CHGB: variants seen among roughly 807,000 people sequenced by gnomAD.
CHGB encodes secretogranin-1.
A neutral mutation model predicts 69.9 loss-of-function variants in CHGB; 46 were observed. That is an observed-to-expected ratio of 0.66 (90% CI 0.52 to 0.84). The LOEUF (loss-of-function observed/expected upper bound fraction) is 0.84, where lower values mean the gene tolerates loss of function less well. Among genes scored for constraint, CHGB ranks in the 40% least tolerant of loss-of-function variants. CHGB has a pLI of 0.00. For missense variants in CHGB, 796 were observed against 822.2 expected, an observed-to-expected ratio of 0.97 and a Z score of 0.39; for synonymous variants, 312 against 298.2, an observed-to-expected ratio of 1.05 and a Z score of -0.48.
In CHGB at chr20:5,924,837, T is replaced by G. The variant is rs1170844536; in HGVS notation, c.1957-135T>G. Reference sequence around the variant, plus strand: ...TGCCACTGGTCAGGGGACCACACTTTGAGAGTTACTGAGGTAGGTTGACTA... The same window carrying G: ...TGCCACTGGTCAGGGGACCACACTTGGAGAGTTACTGAGGTAGGTTGACTA... On this transcript the variant is annotated intron_variant, in intron 4 of 4. Coordinates refer to ENST00000378961, the MANE Select transcript of CHGB (RefSeq NM_001819.3). 5.3e-6 allele frequency: 3 copies of G among 561,652 alleles called. No individual in the cohort carries two copies. In the African/African-American group the frequency reaches 5.7e-5, roughly 11 times the overall value. 34.8% of individuals were successfully genotyped at this position (561,652 alleles called of 1,614,324 possible).
rs776244015 is a variant in CHGB, at chr20:5,922,841, G to A, written c.697G>A (p.Glu233Lys). The change falls in exon 4 of 5, where the codon GAG becomes AAG. Residue 233 changes from glutamate (E) to lysine (K), a missense_variant. Physicochemically the swap from Glu to Lys is moderately conservative, Grantham distance 56. Transcript: ENST00000378961. ...GHSQEKTHSR[E>K]KSSQESGEET... is the part of the protein sequence containing the mutation. ...TTCTCAGGAGAAGACACATAGCCGA[G>A]AGAAGAGTAGCCAGGAGAGTGGAGA... 3 of 1,614,104 alleles carry A rather than the reference G, an allele frequency of 1.9e-6. No homozygotes were observed. The highest frequency in any genetic ancestry group is 3.3e-5 in the Admixed American group (2 of 60,022).
rs918275521 is a variant in CHGB, at chr20:5,913,628, CTTTTTTT to C, written c.49+1959_49+1965del. Among the ~76,000 whole-genome samples, 15 of 90,452 alleles carry C rather than the reference CTTTTTTT, an allele frequency of 1.7e-4. No individual in the cohort carries two copies. The East Asian group carries it at 4.3e-3, about 26-fold the overall frequency. The allele number at this position is 90,452 out of a possible 152,430, so 59.3% of individuals were successfully genotyped here. A position where few individuals can be genotyped will look rare whatever the true frequency, so the allele number is the denominator to read the frequency against. The stretch of plus-strand genomic sequence containing the variant: ...CTTTCTTTTTCTTTTCTTTTCTTTT[CTTTTTTT>C]TTTTTTTTTTTTGAGACAGAGTCTT... On this transcript the variant is annotated intron_variant, in intron 1 of 4. Coordinates refer to ENST00000378961, the MANE Select transcript of CHGB (RefSeq NM_001819.3).
In CHGB at chr20:5,911,696, G is replaced by A; in HGVS notation, c.49+14G>A. 1 of 1,451,738 alleles carries A rather than the reference G, an allele frequency of 6.9e-7. No individual in the cohort carries two copies. The highest frequency in any genetic ancestry group is 3.0e-5 in the East Asian group (1 of 33,608). The allele number at this position is 1,451,738 out of a possible 1,614,324, so 89.9% of individuals were successfully genotyped here. A position where few individuals can be genotyped will look rare whatever the true frequency, so the allele number is the denominator to read the frequency against. The stretch of plus-strand genomic sequence containing the variant: ...TGGGGCTGGCGGGTGAGTGGGCGCG[G>A]CGGGCCGGTCAGCACCGCGGACAGC... On this transcript the variant is annotated intron_variant, in intron 1 of 4. Coordinates refer to ENST00000378961, the MANE Select transcript of CHGB (RefSeq NM_001819.3).
Position 5,922,384 on chromosome 20 carries a change from G to T in CHGB, c.240G>T (p.Lys80Asn). 6.3e-7 allele frequency: 1 copy of T among 1,577,558 alleles called. No homozygotes were observed. Among genetic ancestry groups the T allele is most frequent in the Non-Finnish European group, 8.6e-7 (1 of 1,157,666 alleles). The change falls in exon 4 of 5, where the codon AAG becomes AAT. Residue 80 changes from lysine (K) to asparagine (N), a missense_variant. This residue lies in a region of CHGB where 518 missense variants were observed against 506.3 expected (regional missense o/e 1.02). Transcript: ENST00000378961. ...AGACAACTGAAAATGAAAACACAAA[G>T]TTTGAAGTAAGATTGTTAAGAGACC... ...DKETTENENT[K>N]FEVRLLRDPA...
Position 5,922,978 on chromosome 20 carries a change from C to T in CHGB, c.834C>T (p.Arg278=). Residue 278 remains arginine (R), a synonymous_variant, in exon 4 of 5, where the codon CGC becomes CGT. Coordinates refer to ENST00000378961, the MANE Select transcript of CHGB (RefSeq NM_001819.3). The part of the protein sequence containing the change: ...EDATSEVDKR[R]TRPRHHHGRS... ...CCACCTCTGAGGTGGACAAACGACG[C>T]ACGAGGCCCAGACACCACCACGGGA... is the stretch of plus-strand genomic sequence containing the variant. 6.2e-7 allele frequency: 1 copy of T among 1,609,928 alleles called. No homozygotes were observed. Among genetic ancestry groups the T allele is most frequent in the Middle Eastern group, 1.7e-4 (1 of 6,058 alleles).
rs774165233 is a variant in CHGB, at chr20:5,923,121, A to C, written c.977A>C (p.Asp326Ala). The C allele has an allele frequency of 1.5e-5, 24 of 1,614,024 alleles. No individual in the cohort carries two copies. Among genetic ancestry groups the C allele is most frequent in the Non-Finnish European group, 1.9e-5 (22 of 1,180,034 alleles). Residue 326 changes from aspartate to alanine, a missense_variant, in exon 4 of 5, where the codon GAC (aspartate) becomes GCC (alanine). Asp to Ala is a moderately radical substitution (Grantham distance 126). Transcript: ENST00000378961. ...VSMASLGEKR[D>A]HHSTHYRASE... Reference sequence around the variant, plus strand: ...ATGGCCAGTTTAGGGGAAAAGAGGGACCACCATTCAACCCACTACAGGGCT... The same window carrying C: ...ATGGCCAGTTTAGGGGAAAAGAGGGCCCACCATTCAACCCACTACAGGGCT...
At chr20:5,915,907 G>A (rs1316547446) in intron 1 of CHGB, 1 of 154,242 alleles carries the variant, frequency 6.5e-6, no homozygotes, top group Non-Finnish European at 1.4e-5. Context: ...TAGAGACAGG[G>A]TTTTGTCATG....
intron 2 of CHGB, among the ~76,000 whole-genome samples, 194 bp downstream of exon 2, chr20:5,916,566 TG>T (rs1192073209): frequency 6.6e-6 from 1 of 152,232 alleles, no homozygotes; most frequent in African/African-American, 2.4e-5. Flanking sequence ...TTAGCACCCC[TG>T]AGGATAGCTG....
chr20:5,923,609 C>G lies in CHGB; in HGVS notation c.1465C>G (p.Leu489Val). Residue 489 changes from leucine to valine, a missense_variant, in exon 4 of 5, where the codon CTG becomes GTG. Coordinates refer to ENST00000378961, the MANE Select transcript of CHGB (RefSeq NM_001819.3). Reference protein sequence around the residue: ...APGKWQQQGDLQDTKENREEA... With the variant: ...APGKWQQQGDVQDTKENREEA... ...AGGGAAGTGGCAGCAGCAGGGAGAC[C>G]TGCAGGACACTAAAGAAAACAGGGA... 6.2e-7 allele frequency: 1 copy of G among 1,614,108 alleles called. No homozygotes were observed. The highest frequency in any genetic ancestry group is 8.5e-7 in the Non-Finnish European group (1 of 1,180,026).
chr20:5,912,232 G>T (rs2122564680), intron 1 of CHGB, among the ~76,000 whole-genome samples: 1 of 152,282 alleles, frequency 6.6e-6, no homozygotes, highest in Non-Finnish European at 1.5e-5. Context: ...TATAATGTGT[G>T]TGTATGTGTG....
At chr20:5,922,296 C>A in intron 3 of CHGB, 39 bp from the exon 4 acceptor site, 1 of 1,499,086 alleles carries the variant, frequency 6.7e-7, no homozygotes, top group Non-Finnish European at 8.9e-7. Flanking sequence ...GAACCACAAG[C>A]AATTCTGAAA....
intron 1 of CHGB, among the ~76,000 whole-genome samples, chr20:5,914,982 G>A (rs1020123030): frequency 1.3e-5 from 2 of 152,230 alleles, no homozygotes; most frequent in Non-Finnish European, 2.9e-5. Flanking sequence ...GCAAGGAAAG[G>A]TCAGGTTGCT....
At chr20:5,924,452 GC>G (rs1037677364) in intron 4 of CHGB, among the ~76,000 whole-genome samples, 20 of 152,200 alleles carry the variant, frequency 1.3e-4, no homozygotes, top group African/African-American at 4.8e-4. Flanking sequence ...GCAGCGTTCA[GC>G]CAACGTTAAC....
At chr20:5,911,737 C>T (rs1265464940) in intron 1 of CHGB, 55 bp downstream of exon 1, 3 of 1,345,136 alleles carry the variant, frequency 2.2e-6, no homozygotes, top group Non-Finnish European at 2.9e-6. Flanking sequence ...CCTCGCTCTT[C>T]CCCGCCGCTC....
In CHGB at chr20:5,923,194, C is replaced by T. The variant is rs755828534; in HGVS notation, c.1050C>T (p.Gly350=). 7.9e-5 allele frequency: 128 copies of T among 1,613,668 alleles called. No homozygotes were observed. The highest frequency in any genetic ancestry group is 2.8e-4 in the African/African-American group (21 of 74,842). The change falls in exon 4 of 5, where the codon GGC becomes GGT. Residue 350 remains glycine (G), a synonymous_variant. Coordinates refer to ENST00000378961, the MANE Select transcript of CHGB (RefSeq NM_001819.3). The stretch of plus-strand genomic sequence containing the variant: ...GAGAAGAAATAAAGGGTTATCCAGG[C>T]GTCCAGGCCCCTGAGGACCTGGAGT... ...EYGEEIKGYP[G]VQAPEDLEWE...
At chr20:5,913,954 G>A (rs1043193731) in intron 1 of CHGB, among the ~76,000 whole-genome samples, 2 of 152,058 alleles carry the variant, frequency 1.3e-5, no homozygotes, top group Non-Finnish European at 2.9e-5. Flanking sequence ...TCTAAATTCA[G>A]AAGAGCTTAT....
At chr20:5,915,530 G>T (rs1434561154) in intron 1 of CHGB, 2 of 152,174 alleles carry the variant, frequency 1.3e-5, no homozygotes, top group Non-Finnish European at 2.9e-5. Flanking sequence ...TCAGGCAAAG[G>T]CCTTGCGGGT....
At chr20:5,912,762 T>C (rs557540150) in intron 1 of CHGB, among the ~76,000 whole-genome samples, 5 of 152,260 alleles carry the variant, frequency 3.3e-5, no homozygotes, top group Middle Eastern at 3.4e-3. Flanking sequence ...TTTTAATGAT[T>C]TAGAAAATTG....
Position 5,911,514 on chromosome 20 carries a change from C to T in CHGB, c.-120C>T. The T allele has an allele frequency of 4.5e-6, 5 of 1,103,066 alleles. No individual in the cohort carries two copies. Among genetic ancestry groups the T allele is most frequent in the Non-Finnish European group, 6.4e-6 (5 of 780,340 alleles). The allele number at this position is 1,103,066 out of a possible 1,614,324, so 68.3% of individuals were successfully genotyped here. The stretch of plus-strand genomic sequence containing the variant: ...GGGGCCTGCGCCGGCCGCGCCACAC[C>T]GCGGGGACCAGGAGGCACGCTGGTT... On this transcript the variant is annotated 5_prime_UTR_variant, in exon 1 of 5. Coordinates refer to ENST00000378961, the MANE Select transcript of CHGB (RefSeq NM_001819.3).
Sources: allele counts gnomAD v4.1 joint callset (sites outside exome capture counted in the v4.1 genomes callset), GRCh38; gene constraint gnomAD v4.1.1; regional missense constraint gnomAD v4.1.1; transcripts MANE v1.5; gene names NCBI Gene and HGNC (gene_info 2026-07-23, HGNC 2026-07-21).